Variants in MTAP observed in about 807,000 individuals in gnomAD.
The protein encoded by MTAP is methylthioadenosine phosphorylase, also known as S-methyl-5'-thioadenosine phosphorylase.
Under a neutral mutation model 33.6 loss-of-function variants are expected in MTAP, and 33 were observed. The ratio of observed to expected loss-of-function variants is 0.98; its 90% CI spans 0.74 to 1.31. MTAP has a LOEUF of 1.31. Ranked by LOEUF, MTAP falls within the 40% of genes most tolerant of loss-of-function variation. MTAP has a pLI of 0.00. For missense variants in MTAP, 367 were observed against 360.0 expected, an observed-to-expected ratio of 1.02 and a Z score of -0.16; for synonymous variants, 148 against 125.7, an observed-to-expected ratio of 1.18 and a Z score of -1.19.
At chr9:21,913,288 C>G (rs943772449) in intron 1 of MTAP, among the ~76,000 whole-genome samples, 1 of 152,160 alleles carries the variant, frequency 6.6e-6, no homozygotes. Context: ...CTTTAAAGTT[C>G]ATATGGAACC....
intron 1 of MTAP, among the ~76,000 whole-genome samples, chr9:21,911,307 C>G (rs1302744526): frequency 6.6e-6 from 1 of 152,126 alleles, no homozygotes; most frequent in Non-Finnish European, 1.5e-5. Flanking sequence ...ACTCTCCACC[C>G]CAAATCAACA....
intron 6 of MTAP, among the ~76,000 whole-genome samples, chr9:21,855,780 G>T (rs1825629170): frequency 6.6e-6 from 1 of 152,116 alleles, no homozygotes; most frequent in Non-Finnish European, 1.5e-5. Context: ...CCATCACTTA[G>T]GTTCCACAAT....
At chr9:21,804,707 A>G (rs1262920082) in intron 1 of MTAP, among the ~76,000 whole-genome samples, 1 of 120,910 alleles carries the variant, frequency 8.3e-6, no homozygotes, top group Non-Finnish European at 1.6e-5. Flanking sequence ...CTATTCCCAA[A>G]TTATAGAATG....
chr9:21,867,279 C>G (rs1825868091), downstream of MTAP, among the ~76,000 whole-genome samples: 2 of 152,096 alleles, frequency 1.3e-5, no homozygotes, highest in African/African-American at 2.4e-5. Flanking sequence ...AGGATAGCGT[C>G]TAGTTTTTCA....
chr9:21,838,452 T>C (rs1825162870), intron 5 of MTAP, among the ~76,000 whole-genome samples: 3 of 152,224 alleles, frequency 2.0e-5, no homozygotes, highest in Admixed American at 2.0e-4. Flanking sequence ...TATAAGACTG[T>C]GTGAGGGATG....
At chr9:21,908,859 G>T (rs1044442601) in intron 1 of MTAP, among the ~76,000 whole-genome samples, 4 of 151,550 alleles carry the variant, frequency 2.6e-5, no homozygotes, top group African/African-American at 4.8e-5. Flanking sequence ...ACAGTCTATT[G>T]TGTCATTATT....
intron 4 of MTAP, among the ~76,000 whole-genome samples, chr9:21,828,530 T>G (rs1824880478): frequency 6.6e-6 from 1 of 151,888 alleles, no homozygotes; most frequent in African/African-American, 2.4e-5. Context: ...AAAAAAAAAG[T>G]AGCCAGGTGT....
At chr9:21,802,848 G>A (rs567043954) in intron 1 of MTAP, 67 bp downstream of exon 1, 5 of 1,596,114 alleles carry the variant, frequency 3.1e-6, no homozygotes, top group East Asian at 2.3e-5. Flanking sequence ...CGCGCCGGGG[G>A]ACCGCGCCTC....
intron 4 of MTAP, among the ~76,000 whole-genome samples, chr9:21,836,748 C>T (rs542893026): frequency 4.7e-4 from 71 of 152,288 alleles, no homozygotes; most frequent in Non-Finnish European, 9.4e-4. Context: ...GGGAGGAGCT[C>T]GGATGGGGTT....
intron 5 of MTAP, among the ~76,000 whole-genome samples, chr9:21,851,029 A>G (rs1213721504): frequency 2.6e-5 from 4 of 152,158 alleles, no homozygotes; most frequent in Non-Finnish European, 4.4e-5. Context: ...TCCACAATGG[A>G]AGTAAAGAAG....
intron 5 of MTAP, among the ~76,000 whole-genome samples, chr9:21,847,890 G>A (rs1484433310): frequency 3.3e-5 from 5 of 152,176 alleles, no homozygotes; most frequent in African/African-American, 9.7e-5. Flanking sequence ...CTCGCCAGGT[G>A]TCTACTGTTA....
downstream of MTAP, among the ~76,000 whole-genome samples, chr9:21,868,373 A>G (rs984789328): frequency 4.6e-5 from 7 of 152,206 alleles, no homozygotes; most frequent in Admixed American, 1.3e-4. Flanking sequence ...AGAAGAGTGA[A>G]GGGACTGAAA....
intron 4 of MTAP, among the ~76,000 whole-genome samples, chr9:21,823,603 T>A (rs1398329814): frequency 6.6e-6 from 1 of 152,212 alleles, no homozygotes; most frequent in East Asian, 1.9e-4. Context: ...GAGTTGCTCT[T>A]CTCGAGGAGT....
intron 2 of MTAP, 89 bp from the exon 3 acceptor site, chr9:21,816,625 T>C (rs904754376): frequency 8.2e-6 from 9 of 1,097,180 alleles, no homozygotes; most frequent in South Asian, 5.8e-5. Flanking sequence ...CTCTTCAGAT[T>C]CCATGAGTCC....
In MTAP at chr9:21,858,552, A is replaced by G. The variant is rs1373722551; in HGVS notation, c.691-751A>G. On this transcript the variant is annotated intron_variant, in intron 6 of 7. Transcript: ENST00000644715. ...GAGAGTGAGAGGAGAGGTGCTGTAC[A>G]CTTTTAAACAATCAGATCTCACAAG... is the stretch of plus-strand genomic sequence containing the variant. 2.0e-5 allele frequency among the ~76,000 whole-genome samples: 3 copies of G among 152,284 alleles called. No homozygotes were observed. In the East Asian group the frequency reaches 5.8e-4, roughly 29 times the overall value.
downstream of MTAP, chr9:21,931,326 G>C (rs766820789): frequency 1.2e-5 from 7 of 571,750 alleles, no homozygotes; most frequent in African/African-American, 1.9e-5. Flanking sequence ...GAAAATGTTA[G>C]AGTAGGTAAT....
chr9:21,852,509 CA>C (rs10628807), intron 5 of MTAP, among the ~76,000 whole-genome samples: 27,954 of 114,374 alleles, frequency 0.24, 3,351 homozygotes, highest in East Asian at 0.43. Context: ...GACTCCATCT[CA>C]AAAAAAAAAA....
intron 1 of MTAP, among the ~76,000 whole-genome samples, chr9:21,929,016 C>T (rs906881421): frequency 3.3e-5 from 5 of 152,064 alleles, no homozygotes; most frequent in African/African-American, 1.2e-4. Flanking sequence ...TCTGTATCTT[C>T]CAGGCTCTAG....
downstream of MTAP, chr9:21,931,928 G>A (rs908692487): frequency 6.6e-6 from 1 of 152,236 alleles, no homozygotes; most frequent in Non-Finnish European, 1.5e-5. Context: ...CAGATTTGCT[G>A]CTGCTAACAG....
Sources: allele counts gnomAD v4.1 joint callset (sites outside exome capture counted in the v4.1 genomes callset), GRCh38; gene constraint gnomAD v4.1.1; transcripts MANE v1.5; gene names NCBI Gene and HGNC (gene_info 2026-07-23, HGNC 2026-07-21).